Variants in AGBL4 observed in about 807,000 individuals in gnomAD.
The protein encoded by AGBL4 is cytosolic carboxypeptidase 6.
In AGBL4, 58 loss-of-function variants were observed where a neutral mutation model predicts 66.4. That is an observed-to-expected ratio of 0.87 (90% confidence interval 0.71 to 1.09). The LOEUF is 1.09. AGBL4 is among the 50% of genes least tolerant of loss of function. The pLI is 0.00. For missense variants in AGBL4, 579 were observed against 631.0 expected, an observed-to-expected ratio of 0.92 and a Z score of 0.88; for synonymous variants, 234 against 222.9, an observed-to-expected ratio of 1.05 and a Z score of -0.44.
intron 3 of AGBL4, among the ~76,000 whole-genome samples, chr1:49,585,678 C>T (rs145759043): frequency 1.6e-4 from 24 of 152,166 alleles, no homozygotes; most frequent in African/African-American, 5.1e-4. Flanking sequence ...AACTCTTGAT[C>T]CAAATAAACT....
intron 3 of AGBL4, among the ~76,000 whole-genome samples, chr1:49,673,063 A>G (rs1646512606): frequency 6.6e-6 from 1 of 152,170 alleles, no homozygotes; most frequent in Non-Finnish European, 1.5e-5. Flanking sequence ...AAAAGAAAGT[A>G]AGAAAGTAAG....
intron 3 of AGBL4, among the ~76,000 whole-genome samples, chr1:49,313,461 C>T (rs1644979206): frequency 6.6e-6 from 1 of 152,102 alleles, no homozygotes; most frequent in African/African-American, 2.4e-5. Context: ...CTGTCTTTCA[C>T]AATGGTTGAA....
At chr1:49,094,422 T>A (rs1237927180) in intron 4 of AGBL4, among the ~76,000 whole-genome samples, 1 of 152,160 alleles carries the variant, frequency 6.6e-6, no homozygotes, top group East Asian at 1.9e-4. Flanking sequence ...GTTAAAGGCC[T>A]TTTCTGCATC....
chr1:48,950,042 A>G (rs137855551), intron 5 of AGBL4, among the ~76,000 whole-genome samples: 1 of 152,316 alleles, frequency 6.6e-6, no homozygotes, highest in Non-Finnish European at 1.5e-5. Flanking sequence ...GGCTACACAT[A>G]TATTAACACA....
chr1:49,743,254 A>G (rs1044395338), intron 2 of AGBL4, among the ~76,000 whole-genome samples: 18 of 152,226 alleles, frequency 1.2e-4, no homozygotes, highest in Non-Finnish European at 5.9e-5. Flanking sequence ...ATATGAACAG[A>G]CACTTCTCAA....
At chr1:48,604,412 T>G (rs1645124424) in intron 9 of AGBL4, among the ~76,000 whole-genome samples, 1 of 152,176 alleles carries the variant, frequency 6.6e-6, no homozygotes, top group Non-Finnish European at 1.5e-5. Context: ...TATGATATTT[T>G]GATCCAAACA....
At chr1:49,138,530 C>A (rs916596157) in intron 4 of AGBL4, among the ~76,000 whole-genome samples, 1 of 152,140 alleles carries the variant, frequency 6.6e-6, no homozygotes, top group Non-Finnish European at 1.5e-5. Context: ...CTTCTTTCTC[C>A]ATCACATCAC....
intron 3 of AGBL4, among the ~76,000 whole-genome samples, chr1:49,392,212 G>A (rs1044168088): frequency 4.6e-5 from 7 of 152,114 alleles, no homozygotes; most frequent in Non-Finnish European, 8.8e-5. Flanking sequence ...GCCACATTAT[G>A]GCTAATTATA....
At chr1:49,743,804 CA>C (rs1218819639) in intron 2 of AGBL4, among the ~76,000 whole-genome samples, 3 of 148,622 alleles carry the variant, frequency 2.0e-5, no homozygotes, top group Non-Finnish European at 4.4e-5. Context: ...ATCGCAAGGA[CA>C]AAAAAACCAA....
intron 1 of AGBL4, among the ~76,000 whole-genome samples, chr1:49,970,328 A>G (rs1417619334): frequency 6.6e-6 from 1 of 152,216 alleles, no homozygotes; most frequent in Non-Finnish European, 1.5e-5. Flanking sequence ...ATGGCATAGG[A>G]AAAAATATTT....
intron 3 of AGBL4, among the ~76,000 whole-genome samples, chr1:49,438,411 G>C (rs1645951632): frequency 6.6e-6 from 1 of 152,138 alleles, no homozygotes; most frequent in Admixed American, 6.5e-5. Flanking sequence ...TGTTTAGCAG[G>C]AATTTACATG....
At chr1:49,600,446 TG>T (rs1644932153) in intron 3 of AGBL4, among the ~76,000 whole-genome samples, 1 of 152,220 alleles carries the variant, frequency 6.6e-6, no homozygotes. Context: ...TGCATTTTTT[TG>T]CTTTCCATTT....
chr1:49,000,984 C>T (rs570013997), intron 5 of AGBL4, among the ~76,000 whole-genome samples: 2 of 152,152 alleles, frequency 1.3e-5, no homozygotes, highest in East Asian at 1.9e-4. Flanking sequence ...GGCAAAAGCT[C>T]AGGGTTGAGT....
intron 2 of AGBL4, among the ~76,000 whole-genome samples, chr1:49,810,783 A>G (rs1483098600): frequency 2.0e-5 from 3 of 152,134 alleles, no homozygotes; most frequent in Non-Finnish European, 4.4e-5. Context: ...AGTTACTGGA[A>G]GTTTTTTAGT....
chr1:49,709,071 A>G (rs1364498203), intron 2 of AGBL4, among the ~76,000 whole-genome samples: 1 of 152,206 alleles, frequency 6.6e-6, no homozygotes, highest in Non-Finnish European at 1.5e-5. Context: ...GTCTCTTAGC[A>G]GAGCTCAAGT....
chr1:48,922,500 G>T (rs2148893421), intron 5 of AGBL4, among the ~76,000 whole-genome samples: 1 of 152,260 alleles, frequency 6.6e-6, no homozygotes, highest in South Asian at 2.1e-4. Flanking sequence ...AGAAAGGAGT[G>T]ACACTGAAGA....
At chr1:49,758,193 G>T (rs1652037062) in intron 2 of AGBL4, among the ~76,000 whole-genome samples, 1 of 152,194 alleles carries the variant, frequency 6.6e-6, no homozygotes. Flanking sequence ...CAGAAGTCAA[G>T]AACTGAGCAT....
chr1:48,784,974 G>A (rs963053542), intron 6 of AGBL4, among the ~76,000 whole-genome samples: 10 of 152,124 alleles, frequency 6.6e-5, no homozygotes, highest in Non-Finnish European at 1.5e-4. Flanking sequence ...AATGCAACTC[G>A]CTTCTTGAAA....
At chr1:49,345,837 T>G (rs1005892086) in intron 3 of AGBL4, among the ~76,000 whole-genome samples, 1 of 152,164 alleles carries the variant, frequency 6.6e-6, no homozygotes, top group African/African-American at 2.4e-5. Flanking sequence ...GAATCTATAT[T>G]CTTTTGTAAC....
Sources: gnomAD v4.1 joint callset for allele counts (sites outside exome capture counted in the v4.1 genomes callset) on GRCh38, gnomAD v4.1.1 for gene constraint, MANE v1.5 for transcripts, NCBI Gene and HGNC (gene_info 2026-07-23, HGNC 2026-07-21) for gene names.